The following ELAPOR1 variants were observed in gnomAD, a reference collection of about 807,000 sequenced individuals.
ELAPOR1 encodes endosome-lysosome associated apoptosis and autophagy regulator 1, also known as endosome/lysosome-associated apoptosis and autophagy regulator 1.
In ELAPOR1, 77 loss-of-function variants were observed where a neutral mutation model predicts 119.7. That is an observed-to-expected ratio of 0.64 (90% CI 0.54 to 0.78). The LOEUF (loss-of-function observed/expected upper bound fraction) is 0.78. Among genes scored for constraint, ELAPOR1 ranks in the 30% least tolerant of loss-of-function variants. The probability of loss-of-function intolerance (pLI) is 0.00; values close to 1 mark genes in which losing one functional copy is unlikely to be tolerated. For missense variants in ELAPOR1, 1,115 were observed against 1,270.4 expected, an observed-to-expected ratio of 0.88 and a Z score of 1.86; for synonymous variants, 481 against 487.2, an observed-to-expected ratio of 0.99 and a Z score of 0.17.
intron 1 of ELAPOR1, among the ~76,000 whole-genome samples, chr1:109,127,945 C>T (rs1056768071): frequency 6.6e-6 from 1 of 151,528 alleles, no homozygotes; most frequent in Non-Finnish European, 1.5e-5. Flanking sequence ...TTGATCTCAG[C>T]TCACTGCAAC....
At chr1:109,202,777 T>C in intron 21 of ELAPOR1, 167 bp from the exon 22 acceptor site, 1 of 740,556 alleles carries the variant, frequency 1.4e-6, no homozygotes, top group Non-Finnish European at 2.4e-6. Flanking sequence ...CAACTGACCC[T>C]GAAGGGAGCA....
At chr1:109,116,600 T>C (rs889018835) in intron 1 of ELAPOR1, among the ~76,000 whole-genome samples, 1 of 151,900 alleles carries the variant, frequency 6.6e-6, no homozygotes, top group Non-Finnish European at 1.5e-5. Flanking sequence ...TTTGGCAATA[T>C]GAACTGATCA....
At chr1:109,127,709 C>T (rs1428463755) in intron 1 of ELAPOR1, among the ~76,000 whole-genome samples, 1 of 152,040 alleles carries the variant, frequency 6.6e-6, no homozygotes, top group Non-Finnish European at 1.5e-5. Flanking sequence ...GAATTACAGG[C>T]ACATGTCACC....
At chr1:109,140,165 C>CT (rs1327580912) in intron 1 of ELAPOR1, among the ~76,000 whole-genome samples, 12 of 152,068 alleles carry the variant, frequency 7.9e-5, no homozygotes, top group African/African-American at 2.9e-4. Flanking sequence ...AGGATAGTGT[C>CT]TTGTAGACTA....
chr1:109,133,708 T>C (rs530481788), intron 1 of ELAPOR1, among the ~76,000 whole-genome samples: 4 of 152,358 alleles, frequency 2.6e-5, no homozygotes, highest in African/African-American at 7.2e-5. Flanking sequence ...GCAGGGGATA[T>C]GTTTAATTAC....
At chr1:109,158,828 G>A (rs149456310) in intron 1 of ELAPOR1, among the ~76,000 whole-genome samples, 2 of 151,732 alleles carry the variant, frequency 1.3e-5, no homozygotes, top group East Asian at 1.9e-4. Flanking sequence ...TTTGCAGAAC[G>A]CTGAATATAA....
In ELAPOR1 at chr1:109,194,448, A is replaced by C; in HGVS notation, c.1975A>C (p.Thr659Pro). Reference sequence around the variant, plus strand: ...CCACTCTCTGTGCTACAACGATTGCACCTTCTCACGCAACACTCCGACCAG... The same window carrying C: ...CCACTCTCTGTGCTACAACGATTGCCCCTTCTCACGCAACACTCCGACCAG... ...KIHSLCYNDC[T>P]FSRNTPTRTF... is the part of the protein sequence containing the mutation. The change falls in exon 15 of 22, where the codon ACC becomes CCC. Residue 659 changes from threonine to proline, a missense_variant. Transcript: ENST00000369939. The C allele has an allele frequency of 6.2e-7, 1 of 1,613,768 alleles. No individual in the cohort carries two copies. Among genetic ancestry groups the C allele is most frequent in the Non-Finnish European group, 8.5e-7 (1 of 1,179,732 alleles).
chr1:109,154,301 A>AG (rs1650732254), intron 1 of ELAPOR1, among the ~76,000 whole-genome samples: 1 of 151,648 alleles, frequency 6.6e-6, no homozygotes, highest in Non-Finnish European at 1.5e-5. Flanking sequence ...AAAAAAAAAA[A>AG]AAGAAAAGGG....
chr1:109,182,376 A>C (rs1652752145), intron 7 of ELAPOR1, among the ~76,000 whole-genome samples: 1 of 151,674 alleles, frequency 6.6e-6, no homozygotes, highest in South Asian at 2.1e-4. Context: ...CCAAACATGC[A>C]GGTAATAATA....
chr1:109,144,061 A>ATATATATTTTTTT, intron 1 of ELAPOR1, among the ~76,000 whole-genome samples: 11 of 88,984 alleles, frequency 1.2e-4, no homozygotes, highest in South Asian at 3.5e-4. Context: ...ATATTTATAT[A>ATATATATTTTTTT]TTTTTTTTTT....
At position 109,162,007 on chromosome 1, in the gene ELAPOR1, C is replaced by G. The variant is rs1160544558; in HGVS notation, c.267C>G (p.Thr89=). The G allele has an allele frequency of 6.2e-7, 1 of 1,611,758 alleles. No individual in the cohort carries two copies. Among genetic ancestry groups the G allele is most frequent in the African/African-American group, 1.3e-5 (1 of 74,892 alleles). Residue 89 remains threonine, a synonymous_variant, in exon 2 of 22, where the codon ACC becomes ACG. Coordinates refer to ENST00000369939, the MANE Select transcript of ELAPOR1 (RefSeq NM_020775.5). The part of the protein sequence containing the change: ...CTSLPDPIKG[T]ECSFSCNAGE... ...GCCTGCCTGACCCCATCAAGGGCAC[C>G]GAGTGCTGTAAGCAGCTATCCTGCT...
chr1:109,202,408 C>T (rs1483448136), intron 21 of ELAPOR1, among the ~76,000 whole-genome samples: 1 of 150,674 alleles, frequency 6.6e-6, no homozygotes, highest in Non-Finnish European at 1.5e-5. Flanking sequence ...GTGTGAGCCA[C>T]TGTGCCTGGC....
At chr1:109,130,842 C>T (rs1649112340) in intron 1 of ELAPOR1, among the ~76,000 whole-genome samples, 2 of 152,152 alleles carry the variant, frequency 1.3e-5, no homozygotes, top group African/African-American at 2.4e-5. Context: ...AAATAACAAA[C>T]ATTTATTAAT....
At chr1:109,190,486 A>G (rs1355950197) in intron 11 of ELAPOR1, among the ~76,000 whole-genome samples, 1 of 152,224 alleles carries the variant, frequency 6.6e-6, no homozygotes, top group East Asian at 1.9e-4. Flanking sequence ...AAAGATAAGA[A>G]GCAGGCACTG....
At chr1:109,185,923 C>CGGTGCTA (rs1653015382) in intron 8 of ELAPOR1, among the ~76,000 whole-genome samples, 1 of 152,114 alleles carries the variant, frequency 6.6e-6, no homozygotes. Flanking sequence ...GTGCCAGGCA[C>CGGTGCTA]GGTGCTAGGT....
chr1:109,153,047 G>T (rs1206958425), intron 1 of ELAPOR1, among the ~76,000 whole-genome samples: 1 of 151,848 alleles, frequency 6.6e-6, no homozygotes, highest in Non-Finnish European at 1.5e-5. Context: ...GATGTAGTGG[G>T]GTAGAGATAG....
rs1008957945 is a variant in ELAPOR1, at chr1:109,205,441, G to A, written c.*2429G>A. ...CCATCAACAGTGTTGGTGACGGCAG[G>A]GAGTCCCTTTGGTTTAATAAATCCA... On this transcript the variant is annotated 3_prime_UTR_variant, in exon 22 of 22. Transcript: ENST00000369939. 11 of 152,320 alleles carry A rather than the reference G, an allele frequency of 7.2e-5. No homozygotes were observed. Among genetic ancestry groups the A allele is most frequent in the African/African-American group, 2.6e-4 (11 of 41,562 alleles). 9.4% of individuals were successfully genotyped at this position (152,320 alleles called of 1,614,324 possible). A position where few individuals can be genotyped will look rare whatever the true frequency, so the allele number is the denominator to read the frequency against.
In ELAPOR1 at chr1:109,205,197, G is replaced by C. The variant is rs17034541; in HGVS notation, c.*2185G>C. The C allele has an allele frequency of 0.031, 4,663 of 152,274 alleles. 235 individuals are homozygous for C. The highest frequency in any genetic ancestry group is 0.11 in the African/African-American group (4,416 of 41,536). The allele number at this position is 152,274 out of a possible 1,614,324, so 9.4% of individuals were successfully genotyped here. On this transcript the variant is annotated 3_prime_UTR_variant, in exon 22 of 22. Transcript: ENST00000369939. ...GGCAGTTCTGCCTCCATCACTATCAGGCTAGGGTGACCTTCCCTTGGTCAA... is the reference window on the plus strand; with the variant it reads ...GGCAGTTCTGCCTCCATCACTATCACGCTAGGGTGACCTTCCCTTGGTCAA...
chr1:109,145,412 T>G (rs1189651701), intron 1 of ELAPOR1, among the ~76,000 whole-genome samples: 1 of 152,066 alleles, frequency 6.6e-6, no homozygotes, highest in Non-Finnish European at 1.5e-5. Flanking sequence ...TCCCAGCACT[T>G]TGGGAGGCCG....
Sources: allele counts gnomAD v4.1 joint callset (sites outside exome capture counted in the v4.1 genomes callset), GRCh38; gene constraint gnomAD v4.1.1; transcripts MANE v1.5; gene names NCBI Gene and HGNC (gene_info 2026-07-23, HGNC 2026-07-21).